The following SOX5 variants were observed in gnomAD, a reference collection of about 807,000 sequenced individuals.
SOX5 encodes SRY-box transcription factor 5, also known as transcription factor SOX-5.
Under a neutral mutation model 92.0 loss-of-function variants are expected in SOX5, and 9 were observed. The ratio of observed to expected loss-of-function variants is 0.10; its 90% CI spans 0.06 to 0.17. The LOEUF (loss-of-function observed/expected upper bound fraction) is 0.17, where lower values mean the gene tolerates loss of function less well. SOX5 is among the 10% of genes least tolerant of loss of function. The probability of loss-of-function intolerance (pLI) is 1.00; values close to 1 mark genes in which losing one functional copy is unlikely to be tolerated. For missense variants in SOX5, 642 were observed against 944.5 expected (o/e 0.68, Z 4.20); for synonymous variants, 344 against 336.3 (o/e 1.02, Z -0.25).
chr12:23,587,288 G>A (rs763721693), intron 9 of SOX5, among the ~76,000 whole-genome samples: 1 of 151,790 alleles, frequency 6.6e-6, no homozygotes, highest in Non-Finnish European at 1.5e-5. Flanking sequence ...GAAAGATTAC[G>A]AGATATCATC....
chr12:23,994,916 T>C (rs1475837982), intron 4 of SOX5, among the ~76,000 whole-genome samples: 3 of 152,170 alleles, frequency 2.0e-5, no homozygotes, highest in African/African-American at 7.2e-5. Context: ...ACAAAATGTC[T>C]AGAACAATTG....
chr12:24,299,156 G>A (rs768868768), intron 2 of SOX5, among the ~76,000 whole-genome samples: 16 of 152,208 alleles, frequency 1.1e-4, no homozygotes, highest in Non-Finnish European at 2.1e-4. Context: ...TAACTCTTGC[G>A]TTTCTGGGTG....
At chr12:24,223,334 A>T (rs1425498311) in intron 3 of SOX5, 1 of 152,224 alleles carries the variant, frequency 6.6e-6, no homozygotes, top group Non-Finnish European at 1.5e-5. Context: ...GTATTGAATA[A>T]CCAAAGTCAA....
chr12:24,466,582 G>T (rs1266681635), intron 1 of SOX5, among the ~76,000 whole-genome samples: 3 of 152,190 alleles, frequency 2.0e-5, no homozygotes. Context: ...CCACTAGTTG[G>T]CATGGAGTAG....
chr12:23,859,527 C>T (rs185853024), intron 2 of SOX5, among the ~76,000 whole-genome samples: 23 of 152,266 alleles, frequency 1.5e-4, no homozygotes, highest in East Asian at 5.8e-4. Context: ...GTGTGCCCAG[C>T]GGGACATGGA....
chr12:23,532,906 C>T lies in SOX5; in HGVS notation c.*1313G>A, dbSNP rs1365245865. 1.2e-5 allele frequency: 2 copies of T among 163,436 alleles called. No individual in the cohort carries two copies. The highest frequency in any genetic ancestry group is 4.8e-5 in the African/African-American group (2 of 41,696). 10.1% of individuals were successfully genotyped at this position (163,436 alleles called of 1,614,324 possible). ...CAATGAAAACAATGATTGTTTTGCT[C>T]AAAATATCAACAGGAAAAACAAAAA... On this transcript the variant is annotated 3_prime_UTR_variant, in exon 15 of 15. Coordinates refer to ENST00000451604, the MANE Select transcript of SOX5 (RefSeq NM_006940.6).
intron 1 of SOX5, among the ~76,000 whole-genome samples, chr12:24,459,165 A>C (rs1014894705): frequency 6.6e-6 from 1 of 152,132 alleles, no homozygotes; most frequent in African/African-American, 2.4e-5. Context: ...TGCCCCACTT[A>C]AGGTCCTTTG....
exon 4 of SOX5, chr12:24,213,349 A>G (rs1958845043): frequency 6.7e-6 from 1 of 149,038 alleles, no homozygotes; most frequent in South Asian, 2.1e-4. Context: ...TGACCTGCTG[A>G]GTCTCCCAGT....
intron 4 of SOX5, among the ~76,000 whole-genome samples, chr12:23,978,753 C>T (rs1477280087): frequency 6.6e-6 from 1 of 152,012 alleles, no homozygotes; most frequent in Non-Finnish European, 1.5e-5. Context: ...GACTGGTCAA[C>T]ACTAACAGAA....
intron 8 of SOX5, among the ~76,000 whole-genome samples, chr12:23,630,741 T>C (rs2078429752): frequency 6.6e-6 from 1 of 151,866 alleles, no homozygotes; most frequent in Non-Finnish European, 1.5e-5. Context: ...CATGGAGAGG[T>C]TAGGTAACTT....
At chr12:24,443,514 T>G (rs746711760) in intron 1 of SOX5, among the ~76,000 whole-genome samples, 4 of 152,218 alleles carry the variant, frequency 2.6e-5, no homozygotes, top group Non-Finnish European at 5.9e-5. Context: ...AATTTACTTC[T>G]TTACATAAAC....
chr12:23,788,257 C>T (rs2095415341), intron 3 of SOX5, among the ~76,000 whole-genome samples: 1 of 151,692 alleles, frequency 6.6e-6, no homozygotes, highest in South Asian at 2.1e-4. Context: ...CAAATGTAAA[C>T]CTAAGGTTTA....
At chr12:24,182,695 T>C (rs1955626471) in intron 4 of SOX5, among the ~76,000 whole-genome samples, 2 of 152,146 alleles carry the variant, frequency 1.3e-5, no homozygotes, top group African/African-American at 4.8e-5. Flanking sequence ...TATAAATTAT[T>C]AGGAAAAAAT....
chr12:23,588,113 C>T (rs1451880891), intron 9 of SOX5, among the ~76,000 whole-genome samples: 1 of 151,958 alleles, frequency 6.6e-6, no homozygotes, highest in Non-Finnish European at 1.5e-5. Flanking sequence ...TCAGTTAAGG[C>T]CAGTTTTTAT....
chr12:24,479,684 G>A (rs1043916275), intron 1 of SOX5, among the ~76,000 whole-genome samples: 1 of 151,604 alleles, frequency 6.6e-6, no homozygotes, highest in African/African-American at 2.4e-5. Flanking sequence ...TTGGTGTGGG[G>A]GGACAGAGTC....
intron 4 of SOX5, among the ~76,000 whole-genome samples, chr12:24,118,026 AAAAAAAAAAAAAG>A (rs1406773811): frequency 9.3e-5 from 14 of 149,868 alleles, no homozygotes; most frequent in South Asian, 2.1e-4. Context: ...TTCAAAAAAA[AAAAAAAAAAAAAG>A]AAAAAAAAAA....
chr12:24,060,420 C>A (rs1939446203), intron 4 of SOX5, among the ~76,000 whole-genome samples: 4 of 152,202 alleles, frequency 2.6e-5, no homozygotes, highest in Admixed American at 2.6e-4. Context: ...TGGAATCAGA[C>A]AGAATGGGAT....
At chr12:23,605,032 G>T (rs2075065684) in intron 8 of SOX5, among the ~76,000 whole-genome samples, 1 of 76,270 alleles carries the variant, frequency 1.3e-5, no homozygotes, top group South Asian at 3.8e-4. Flanking sequence ...GAAAGGCAAC[G>T]GGAAAAAAGT....
intron 4 of SOX5, among the ~76,000 whole-genome samples, chr12:23,958,747 A>T (rs779163159): frequency 6.6e-6 from 1 of 151,786 alleles, no homozygotes; most frequent in East Asian, 1.9e-4. Context: ...AAAGATATCA[A>T]ACTGAGATGA....
Sources: allele counts gnomAD v4.1 joint callset (sites outside exome capture counted in the v4.1 genomes callset), GRCh38; gene constraint gnomAD v4.1.1; transcripts MANE v1.5; gene names NCBI Gene and HGNC (gene_info 2026-07-23, HGNC 2026-07-21).